PEX7: variants seen among roughly 807,000 people sequenced by gnomAD.
PEX7 encodes PTS2 receptor.
Under a neutral mutation model 47.5 loss-of-function variants are expected in PEX7, and 34 were observed. That is an observed-to-expected ratio of 0.72 (90% confidence interval 0.54 to 0.95). PEX7 has a LOEUF of 0.95. Among genes scored for constraint, PEX7 ranks in the 40% least tolerant of loss-of-function variants. The pLI, the probability that PEX7 is intolerant of heterozygous loss-of-function variation, is 0.00. For missense variants in PEX7, 394 were observed against 400.3 expected, an observed-to-expected ratio of 0.98 and a Z score of 0.13; for synonymous variants, 141 against 148.8, an observed-to-expected ratio of 0.95 and a Z score of 0.38.
rs1246188266 is a variant in PEX7 at position 136,913,514 on chromosome 6, T to C, written c.960T>C (p.Thr320=). 1.2e-6 allele frequency: 2 copies of C among 1,609,834 alleles called. No homozygotes were observed. Among genetic ancestry groups the C allele is most frequent in the Non-Finnish European group, 1.7e-6 (2 of 1,176,492 alleles). The change falls in exon 10 of 10, where the codon ACT becomes ACC. Residue 320 remains threonine (T), a synonymous_variant. Transcript: ENST00000318471. ...AGATCTATGACCCTGCTTGTCTTAC[T>C]ATTCCTGCTTGAGATACACTACTTT... ...TIKIYDPACL[T]IPA
intron 5 of PEX7, among the ~76,000 whole-genome samples, chr6:136,849,313 C>A (rs574762833): frequency 6.6e-6 from 1 of 152,124 alleles, no homozygotes; most frequent in South Asian, 2.1e-4. Context: ...CTCCTGGATT[C>A]ATTGATTTTT....
intron 8 of PEX7, among the ~76,000 whole-genome samples, chr6:136,891,794 C>T (rs1775560077): frequency 6.6e-6 from 1 of 152,096 alleles, no homozygotes; most frequent in Non-Finnish European, 1.5e-5. Context: ...ACATCCACCA[C>T]CATCCATGCC....
intron 3 of PEX7, among the ~76,000 whole-genome samples, chr6:136,838,640 T>A (rs1173811189): frequency 6.6e-6 from 1 of 152,068 alleles, no homozygotes; most frequent in Non-Finnish European, 1.5e-5. Context: ...CTTGTTGGGG[T>A]GAAATTGGCC....
At chr6:136,829,153 G>A (rs977454719) in intron 3 of PEX7, among the ~76,000 whole-genome samples, 1 of 152,126 alleles carries the variant, frequency 6.6e-6, no homozygotes, top group African/African-American at 2.4e-5. Context: ...ACCTTTTTAG[G>A]TATTTGTTAC....
At chr6:136,850,918 T>G (rs13211337) in intron 5 of PEX7, among the ~76,000 whole-genome samples, 8 of 22,856 alleles carry the variant, frequency 3.5e-4, no homozygotes, top group African/African-American at 9.4e-4. Context: ...AAACTGATGG[T>G]TTTTTTTTTT....
At chr6:136,891,361 A>G (rs187076904) in intron 8 of PEX7, among the ~76,000 whole-genome samples, 18 of 152,354 alleles carry the variant, frequency 1.2e-4, no homozygotes, top group African/African-American at 3.8e-4. Flanking sequence ...ATTTTATCAT[A>G]TGTAACCTTC....
At chr6:136,884,833 A>G (rs1232651251) in intron 8 of PEX7, among the ~76,000 whole-genome samples, 1 of 152,202 alleles carries the variant, frequency 6.6e-6, no homozygotes, top group Non-Finnish European at 1.5e-5. Flanking sequence ...CTGGTGGACA[A>G]TATAGTCTAT....
chr6:136,861,678 T>C (rs1050757882), intron 5 of PEX7, among the ~76,000 whole-genome samples: 1 of 151,840 alleles, frequency 6.6e-6, no homozygotes, highest in African/African-American at 2.4e-5. Flanking sequence ...GTGATAGAAC[T>C]GGGACTATGT....
intron 5 of PEX7, among the ~76,000 whole-genome samples, chr6:136,857,151 G>A (rs767916347): frequency 1.3e-5 from 2 of 152,224 alleles, no homozygotes; most frequent in Admixed American, 6.5e-5. Context: ...AGCCATTTCA[G>A]AGACAAGAAC....
chr6:136,905,672 A>C (rs2115287664), intron 9 of PEX7, among the ~76,000 whole-genome samples: 1 of 152,226 alleles, frequency 6.6e-6, no homozygotes, highest in East Asian at 1.9e-4. Flanking sequence ...ATCCCTCCAA[A>C]AGTAGATGTT....
rs1774594740 is a variant in PEX7, at chr6:136,846,126, T to C, written c.471T>C (p.Ile157=). Residue 157 remains isoleucine, a synonymous_variant, in exon 5 of 10, where the codon ATT becomes ATC. Transcript: ENST00000318471. ...SLCTFRGHES[I]IYSTIWSPHI... ...GCACCTTTAGAGGCCATGAAAGTAT[T>C]ATTTATAGCACAATCTGGTCTCCCC... The C allele has an allele frequency of 6.2e-7, 1 of 1,613,614 alleles. No individual in the cohort carries two copies. The highest frequency in any genetic ancestry group is 1.3e-5 in the African/African-American group (1 of 74,922).
intron 3 of PEX7, among the ~76,000 whole-genome samples, chr6:136,840,533 C>T (rs7740484): frequency 0.64 from 97,144 of 151,990 alleles, 31,177 homozygotes; most frequent in African/African-American, 0.69. Flanking sequence ...TGTGAAACCA[C>T]TGAAAGGCTT....
intron 6 of PEX7, among the ~76,000 whole-genome samples, chr6:136,868,986 C>T (rs1440518091): frequency 6.6e-6 from 1 of 152,162 alleles, no homozygotes; most frequent in African/African-American, 2.4e-5. Flanking sequence ...ATTTAGAGAA[C>T]ATGGAAAAAT....
intron 8 of PEX7, among the ~76,000 whole-genome samples, chr6:136,879,708 AT>A (rs199590630): frequency 0.012 from 1,790 of 152,132 alleles, 30 homozygotes; most frequent in African/African-American, 0.04. Context: ...GTTCTACTTA[AT>A]TGTTTTATTT....
At chr6:136,902,690 T>G (rs1398185386) in intron 9 of PEX7, among the ~76,000 whole-genome samples, 1 of 152,210 alleles carries the variant, frequency 6.6e-6, no homozygotes, top group Admixed American at 6.5e-5. Context: ...CTTGTGATTC[T>G]AGACCTATAA....
At position 136,893,055 on chromosome 6, in the gene PEX7, T is replaced by C. The variant is rs574825489; in HGVS notation, c.804-5087T>C. ...AGGGGAACCTGGCTGTTGAGGTGTA[T>C]GGGACCCCTCTTCACTATCTTCACA... On this transcript the variant is annotated intron_variant, in intron 8 of 9. Transcript: ENST00000318471. 3.9e-5 allele frequency among the ~76,000 whole-genome samples: 6 copies of C among 152,294 alleles called. No homozygotes were observed. The East Asian group carries it at 7.7e-4, about 20-fold the overall frequency.
chr6:136,883,814 A>G (rs561434167), intron 8 of PEX7, among the ~76,000 whole-genome samples: 7 of 152,342 alleles, frequency 4.6e-5, no homozygotes, highest in East Asian at 3.9e-4. Flanking sequence ...ACTTATCCCT[A>G]TTCAAACAAG....
chr6:136,835,258 T>G (rs1382492695), intron 3 of PEX7, among the ~76,000 whole-genome samples: 1 of 151,478 alleles, frequency 6.6e-6, no homozygotes, highest in Non-Finnish European at 1.5e-5. Context: ...TGCAGCAGAT[T>G]AGCATCACTT....
chr6:136,827,425 G>C (rs965897544), intron 3 of PEX7, among the ~76,000 whole-genome samples: 2 of 151,894 alleles, frequency 1.3e-5, no homozygotes, highest in Admixed American at 6.6e-5. Context: ...AGAAATTTTA[G>C]TTTCAGGATA....
Sources: allele counts gnomAD v4.1 joint callset (sites outside exome capture counted in the v4.1 genomes callset), GRCh38; gene constraint gnomAD v4.1.1; transcripts MANE v1.5; gene names NCBI Gene and HGNC (gene_info 2026-07-23, HGNC 2026-07-21).